The following ARHGAP24 variants were observed in gnomAD, a reference collection of about 807,000 sequenced individuals.
ARHGAP24 encodes Rho GTPase activating protein 24.
ARHGAP24 carries 50 observed loss-of-function variants against 76.4 expected under a neutral mutation model. That is an observed-to-expected ratio of 0.65 (90% CI 0.52 to 0.83). ARHGAP24 has a LOEUF of 0.83. Among genes scored for constraint, ARHGAP24 ranks in the 40% least tolerant of loss-of-function variants. ARHGAP24 has a pLI of 0.00. For synonymous variants in ARHGAP24, 345 were observed against 323.3 expected, an observed-to-expected ratio of 1.07 and a Z score of -0.72; for missense variants, 930 against 914.2, an observed-to-expected ratio of 1.02 and a Z score of -0.22.
At chr4:85,705,037 T>C (rs1023811846) in intron 2 of ARHGAP24, among the ~76,000 whole-genome samples, 17 of 152,092 alleles carry the variant, frequency 1.1e-4, no homozygotes, top group African/African-American at 3.9e-4. Flanking sequence ...ATTCTTCACA[T>C]TTAAACCATA....
intron 3 of ARHGAP24, among the ~76,000 whole-genome samples, chr4:85,746,368 A>G (rs1289593599): frequency 6.6e-6 from 1 of 152,152 alleles, no homozygotes; most frequent in Non-Finnish European, 1.5e-5. Context: ...CTATTTTTCT[A>G]CAAACTTATC....
At chr4:85,904,773 C>T (rs1383017421) in intron 3 of ARHGAP24, among the ~76,000 whole-genome samples, 1 of 152,098 alleles carries the variant, frequency 6.6e-6, no homozygotes, top group Non-Finnish European at 1.5e-5. Context: ...ATATGCAAAA[C>T]AAATGATCTG....
At position 85,561,684 on chromosome 4, in the gene ARHGAP24, C is replaced by G. The variant is rs147292160; in HGVS notation, c.-20-8838C>G. 3.9e-5 allele frequency among the ~76,000 whole-genome samples: 6 copies of G among 151,918 alleles called. No homozygotes were observed. In the South Asian group the frequency reaches 1.2e-3, roughly 32 times the overall value. On this transcript the variant is annotated intron_variant, in intron 1 of 9. Coordinates refer to ENST00000395184, the MANE Select transcript of ARHGAP24 (RefSeq NM_001025616.3). ...TTAGCTATCTGGTATATTTTTTTAC[C>G]ATTTTATAGTTTTATGCTTTTTGGT...
At chr4:85,690,926 G>A (rs1167101523) in intron 2 of ARHGAP24, among the ~76,000 whole-genome samples, 1 of 151,818 alleles carries the variant, frequency 6.6e-6, no homozygotes, top group East Asian at 1.9e-4. Context: ...GTTCTTTTAG[G>A]TGCAAGGTAA....
rs945107029 is a variant in ARHGAP24 at position 86,001,673 on chromosome 4, CA to C, written c.*953del. ...TCCCACTCAAACCTCTCCCATCTCCCAACAACTGCACTTTAGAATACCAGCA... is the reference window on the plus strand; with the variant it reads ...TCCCACTCAAACCTCTCCCATCTCCCACAACTGCACTTTAGAATACCAGCA... On this transcript the variant is annotated 3_prime_UTR_variant, in exon 10 of 10. Transcript: ENST00000395184. 1.3e-5 allele frequency: 5 copies of C among 375,250 alleles called. No individual in the cohort carries two copies. Among genetic ancestry groups the C allele is most frequent in the African/African-American group, 1.0e-4 (5 of 48,132 alleles). The allele number at this position is 375,250 out of a possible 1,614,324, so 23.2% of individuals were successfully genotyped here. A position where few individuals can be genotyped will look rare whatever the true frequency, so the allele number is the denominator to read the frequency against.
intron 3 of ARHGAP24, among the ~76,000 whole-genome samples, chr4:85,729,927 A>T (rs7677114): frequency 0.4 from 60,779 of 151,960 alleles, 13,543 homozygotes; most frequent in East Asian, 0.91. Context: ...ACCTATGAAA[A>T]GGAAGATGAA....
chr4:85,566,811 G>C (rs564758277), intron 1 of ARHGAP24, among the ~76,000 whole-genome samples: 2 of 152,328 alleles, frequency 1.3e-5, no homozygotes, highest in East Asian at 1.9e-4. Flanking sequence ...TTCAGCGATA[G>C]AGAATAGAAA....
chr4:85,802,129 A>G (rs1728603920), intron 3 of ARHGAP24, among the ~76,000 whole-genome samples: 1 of 152,174 alleles, frequency 6.6e-6, no homozygotes, highest in Admixed American at 6.5e-5. Flanking sequence ...TTCATGGATA[A>G]TGTTTGGATA....
chr4:85,683,026 G>C (rs909735922), intron 2 of ARHGAP24, among the ~76,000 whole-genome samples: 3 of 141,232 alleles, frequency 2.1e-5, no homozygotes, highest in African/African-American at 8.0e-5. Flanking sequence ...TACCTATACT[G>C]ATCTTGAGTT....
At chr4:85,528,222 A>C (rs1012372798) in intron 1 of ARHGAP24, among the ~76,000 whole-genome samples, 2 of 152,100 alleles carry the variant, frequency 1.3e-5, no homozygotes, top group Non-Finnish European at 1.5e-5. Context: ...TGTAGCAGAC[A>C]CTGTATTCCA....
Position 85,486,674 on chromosome 4 carries a change from A to G in ARHGAP24, c.-21+11115A>G, listed in dbSNP as rs183319006. Reference sequence around the variant, plus strand: ...TTAGTACAGTGAGCAAACATAGCTTAAGGACATACTAGTAATAGTTCCTTT... The same window carrying G: ...TTAGTACAGTGAGCAAACATAGCTTGAGGACATACTAGTAATAGTTCCTTT... On this transcript the variant is annotated intron_variant, in intron 1 of 9. Coordinates refer to ENST00000395184, the MANE Select transcript of ARHGAP24 (RefSeq NM_001025616.3). 1.3e-4 allele frequency among the ~76,000 whole-genome samples: 20 copies of G among 152,314 alleles called. No individual in the cohort carries two copies. In the East Asian group the frequency reaches 2.9e-3, roughly 22 times the overall value.
At chr4:85,730,271 C>T (rs532796186) in intron 3 of ARHGAP24, among the ~76,000 whole-genome samples, 1 of 152,306 alleles carries the variant, frequency 6.6e-6, no homozygotes, top group East Asian at 1.9e-4. Flanking sequence ...GCATGAAAAA[C>T]ATGTCCCATA....
chr4:85,876,944 A>AT (rs1004153437), intron 3 of ARHGAP24, among the ~76,000 whole-genome samples: 41 of 1,486 alleles, frequency 0.028, no homozygotes, highest in East Asian at 0.1. Flanking sequence ...CATTTTATTT[A>AT]TAAAAAAAAC....
At chr4:85,965,936 C>T (rs566945125) in intron 5 of ARHGAP24, among the ~76,000 whole-genome samples, 1 of 152,252 alleles carries the variant, frequency 6.6e-6, no homozygotes, top group South Asian at 2.1e-4. Flanking sequence ...CAAAAGTAGA[C>T]TTGGGGGTTG....
intron 4 of ARHGAP24, among the ~76,000 whole-genome samples, chr4:85,929,998 G>C (rs1304785044): frequency 2.0e-5 from 3 of 152,174 alleles, no homozygotes; most frequent in Admixed American, 2.0e-4. Context: ...AAAAAGAAAG[G>C]AGTTTGTACC....
chr4:85,853,938 C>A (rs942059448), intron 3 of ARHGAP24, among the ~76,000 whole-genome samples: 10 of 150,380 alleles, frequency 6.6e-5, no homozygotes, highest in African/African-American at 2.2e-4. Context: ...TGGCACAGAG[C>A]CAGAATCGGT....
At chr4:85,589,247 A>G (rs1045837198) in intron 2 of ARHGAP24, among the ~76,000 whole-genome samples, 1 of 152,216 alleles carries the variant, frequency 6.6e-6, no homozygotes, top group African/African-American at 2.4e-5. Flanking sequence ...TGGCCAGTTA[A>G]TGACTCTGGA....
intron 2 of ARHGAP24, among the ~76,000 whole-genome samples, chr4:85,656,764 C>T (rs1450823523): frequency 6.6e-6 from 1 of 150,660 alleles, no homozygotes; most frequent in African/African-American, 2.5e-5. Context: ...CCACGCCTGG[C>T]CAATAAAGCT....
intron 6 of ARHGAP24, chr4:85,972,493 T>A: frequency 3.0e-6 from 1 of 336,738 alleles, no homozygotes; most frequent in East Asian, 6.9e-5. Context: ...CTTTTAATCG[T>A]GTGGACCCAA....
Sources: gnomAD v4.1 joint callset for allele counts (sites outside exome capture counted in the v4.1 genomes callset) on GRCh38, gnomAD v4.1.1 for gene constraint, MANE v1.5 for transcripts, NCBI Gene and HGNC (gene_info 2026-07-23, HGNC 2026-07-21) for gene names.